TECTA: variants seen among roughly 807,000 people sequenced by gnomAD.
TECTA encodes alpha-tectorin.
A neutral mutation model predicts 216.8 loss-of-function variants in TECTA; 128 were observed. That is an observed-to-expected ratio of 0.59 (90% CI 0.51 to 0.68). The LOEUF is 0.68. TECTA is among the 30% of genes least tolerant of loss of function. The pLI, the probability that TECTA is intolerant of heterozygous loss-of-function variation, is 0.00. For synonymous variants in TECTA, 1,089 were observed against 1,117.1 expected (o/e 0.97, Z 0.50); for missense variants, 2,551 against 2,786.2 (o/e 0.92, Z 1.90).
rs1946634852 is a variant in TECTA, at chr11:121,128,224, C to T, written c.2247C>T (p.Tyr749=). 1 of 1,602,778 alleles carries T rather than the reference C, an allele frequency of 6.2e-7. No individual in the cohort carries two copies. The highest frequency in any genetic ancestry group is 8.5e-7 in the Non-Finnish European group (1 of 1,179,958). Residue 749 remains tyrosine (Y), a synonymous_variant, in exon 9 of 24, where the codon TAC becomes TAT. Transcript: ENST00000392793. ...AGACCTGCCCTGAGCGCCCAGAGTA[C>T]TTGGAAATCGACATCAACAAGAAGA... ...LLKTCPERPE[Y]LEIDINKKKP...
At chr11:121,125,995 T>C (rs1441051863) in intron 8 of TECTA, 123 bp downstream of exon 8, 2 of 1,161,590 alleles carry the variant, frequency 1.7e-6, no homozygotes, top group African/African-American at 3.0e-5. Flanking sequence ...GAGGTTGAAA[T>C]TGCACAAATT....
At position 121,190,795 on chromosome 11, in the gene TECTA, A is replaced by G; in HGVS notation, c.6457A>G (p.Thr2153Ala). Residue 2153 changes from threonine to alanine, a missense_variant, in exon 24 of 24, where the codon ACG becomes GCG. Physicochemically the swap from Thr to Ala is moderately conservative, Grantham distance 58. Around this residue, in one of 3 missense-constraint regions of TECTA, gnomAD observed 118 missense variants for 116.4 expected, o/e 1.01. Transcript: ENST00000392793. ...SLWHFVYKSG[T>A]TS ...ATGGCATTTTGTCTATAAATCAGGCACGACCTCATAATTAACTCAAGGTTG... is the reference window on the plus strand; with the variant it reads ...ATGGCATTTTGTCTATAAATCAGGCGCGACCTCATAATTAACTCAAGGTTG... 2 of 1,611,672 alleles carry G rather than the reference A, an allele frequency of 1.2e-6. No homozygotes were observed. The highest frequency in any genetic ancestry group is 1.1e-5 in the South Asian group (1 of 90,958).
intron 16 of TECTA, among the ~76,000 whole-genome samples, chr11:121,162,679 T>A (rs147946912): frequency 6.1e-4 from 93 of 152,308 alleles, no homozygotes; most frequent in Admixed American, 1.7e-3. Flanking sequence ...AGTGTGGGAT[T>A]CCTGATGGAT....
At chr11:121,129,579 A>G (rs1946649855) in intron 9 of TECTA, 59 bp from the exon 10 acceptor site, 1 of 1,566,952 alleles carries the variant, frequency 6.4e-7, no homozygotes, top group African/African-American at 1.3e-5. Context: ...CCCACAGCCT[A>G]GGAAATGGAA....
chr11:121,103,451 A>G (rs1315265183), intron 2 of TECTA, among the ~76,000 whole-genome samples: 2 of 152,178 alleles, frequency 1.3e-5, no homozygotes, highest in Non-Finnish European at 2.9e-5. Context: ...GCCCCTGTGC[A>G]GTGCTAATAT....
At chr11:121,146,139 C>T in intron 12 of TECTA, 23 bp downstream of exon 12, 1 of 1,600,832 alleles carries the variant, frequency 6.2e-7, no homozygotes, top group Non-Finnish European at 8.5e-7. Context: ...CGTTGTCCCT[C>T]CTTGTAGCTT....
At position 121,129,612 on chromosome 11, in the gene TECTA, TTGATAAGAATGA is replaced by T. The variant is rs1318294855; in HGVS notation, c.2368-25_2368-14del. On this transcript the variant is annotated splice_polypyrimidine_tract_variant and intron_variant, in intron 9 of 23. Coordinates refer to ENST00000392793, the MANE Select transcript of TECTA (RefSeq NM_005422.4). Reference sequence around the variant, plus strand: ...GAAAGTGCTCTGTGTGTCTCTGGAATTGATAAGAATGACTTGATTTTTCAGTTGAATGGTCAG... The same window carrying T: ...GAAAGTGCTCTGTGTGTCTCTGGAATCTTGATTTTTCAGTTGAATGGTCAG... 1 of 1,610,868 alleles carries T rather than the reference TTGATAAGAATGA, an allele frequency of 6.2e-7. No homozygotes were observed. The highest frequency in any genetic ancestry group is 8.5e-7 in the Non-Finnish European group (1 of 1,177,134).
chr11:121,125,101 G>A (rs1049452069), intron 7 of TECTA, among the ~76,000 whole-genome samples: 26 of 152,228 alleles, frequency 1.7e-4, no homozygotes, highest in Non-Finnish European at 2.8e-4. Flanking sequence ...TACACAGTGC[G>A]TGGGCTGGCC....
chr11:121,134,240 G>T (rs1946702681), intron 10 of TECTA, among the ~76,000 whole-genome samples: 1 of 152,028 alleles, frequency 6.6e-6, no homozygotes, highest in Non-Finnish European at 1.5e-5. Flanking sequence ...TAGAAACCAA[G>T]ATGTAAGGGA....
intron 12 of TECTA, among the ~76,000 whole-genome samples, chr11:121,150,643 A>ATTTTTTTTTTTTTTTTTTTTTTTTTTTTT (rs202043512): frequency 7.8e-6 from 1 of 127,952 alleles, no homozygotes; most frequent in Non-Finnish European, 1.6e-5. Flanking sequence ...GCCTATTTTA[A>ATTTTTTTTTTTTTTTTTTTTTTTTTTTTT]TTTTTTTTTT....
At chr11:121,161,986 G>T in intron 15 of TECTA, 89 bp from the exon 16 acceptor site, 1 of 1,563,808 alleles carries the variant, frequency 6.4e-7, no homozygotes. Context: ...CAATGCACTA[G>T]CTTCAGGGGT....
intron 11 of TECTA, among the ~76,000 whole-genome samples, chr11:121,142,258 A>G (rs1368912188): frequency 2.6e-5 from 4 of 152,076 alleles, no homozygotes; most frequent in Non-Finnish European, 5.9e-5. Context: ...CTCCTCCCAT[A>G]CCTTCTCATC....
Position 121,158,172 on chromosome 11 carries a change from A to G in TECTA, c.4637A>G (p.Tyr1546Cys). 6.2e-7 allele frequency: 1 copy of G among 1,614,078 alleles called. No homozygotes were observed. The highest frequency in any genetic ancestry group is 8.5e-7 in the Non-Finnish European group (1 of 1,180,034). The change falls in exon 14 of 24, where the codon TAC becomes TGC. Residue 1546 changes from tyrosine (Y) to cysteine (C), a missense_variant. Coordinates refer to ENST00000392793, the MANE Select transcript of TECTA (RefSeq NM_005422.4). ...APNLTIISPV[Y>C]FYINEEQILI... ...AACCTCACCATCATTTCGCCCGTCT[A>G]CTTCTACATTAACGAAGAGCAGATT...
intron 20 of TECTA, among the ~76,000 whole-genome samples, chr11:121,183,762 A>G (rs995969848): frequency 6.6e-6 from 1 of 152,102 alleles, no homozygotes; most frequent in African/African-American, 2.4e-5. Flanking sequence ...GATCTAGCAT[A>G]TTGTTGAAGC....
chr11:121,166,757 G>A lies in TECTA; in HGVS notation c.5563G>A (p.Gly1855Arg). The change falls in exon 18 of 24, where the codon GGG becomes AGG. Residue 1855 changes from glycine to arginine, a missense_variant. By Grantham distance (125) the Gly-to-Arg change is moderately radical. Around this residue, in one of 3 missense-constraint regions of TECTA, gnomAD observed 2,375 missense variants for 2,563.9 expected, o/e 0.93. Coordinates refer to ENST00000392793, the MANE Select transcript of TECTA (RefSeq NM_005422.4). ...CTCCTTTCAGATCAACAACACCAAA[G>A]GGAATTGTGGAAACATTGTGCAGGT... ...FISFQINNTK[G>R]NCGNIVQSNG... is the part of the protein sequence containing the mutation. 1.9e-6 allele frequency: 3 copies of A among 1,614,106 alleles called. No homozygotes were observed. Among genetic ancestry groups the A allele is most frequent in the Non-Finnish European group, 2.5e-6 (3 of 1,180,030 alleles).
Position 121,160,218 on chromosome 11 carries a change from C to T in TECTA, c.4773C>T (p.Asp1591=). ...GCAGTGAGGGGTTTCTGGTGATTGA[C>T]ACCAGCCCAGACATCCAGATATACT... is the stretch of plus-strand genomic sequence containing the variant. The part of the protein sequence containing the change: ...IYSSEGFLVI[D]TSPDIQIYYN... Residue 1591 remains aspartate, a synonymous_variant, in exon 15 of 24, where the codon GAC becomes GAT. Coordinates refer to ENST00000392793, the MANE Select transcript of TECTA (RefSeq NM_005422.4). 1 of 1,614,202 alleles carries T rather than the reference C, an allele frequency of 6.2e-7. No homozygotes were observed. Among genetic ancestry groups the T allele is most frequent in the African/African-American group, 1.3e-5 (1 of 75,066 alleles).
At chr11:121,135,115 G>A (rs680511) in intron 10 of TECTA, among the ~76,000 whole-genome samples, 103,993 of 152,072 alleles carry the variant, frequency 0.68, 37,042 homozygotes, top group African/African-American at 0.9. Context: ...CACTTGATTC[G>A]TCAGGCCGCC....
In TECTA at chr11:121,129,668, T is replaced by A. The variant is rs1247039679; in HGVS notation, c.2398T>A (p.Phe800Ile). Reference sequence around the variant, plus strand: ...TGGTCAGGAAGTGGAATTGCCTTTTTTCCATCCTTCGGGGAAGCTGGAAAT... The same window carrying A: ...TGGTCAGGAAGTGGAATTGCCTTTTATCCATCCTTCGGGGAAGCTGGAAAT... The part of the protein sequence containing the change: ...LNGQEVELPF[F>I]HPSGKLEIYR... Residue 800 changes from phenylalanine to isoleucine, a missense_variant, in exon 10 of 24, where the codon TTC (phenylalanine) becomes ATC (isoleucine). Around this residue, in one of 3 missense-constraint regions of TECTA, gnomAD observed 2,375 missense variants for 2,563.9 expected, o/e 0.93. Coordinates refer to ENST00000392793, the MANE Select transcript of TECTA (RefSeq NM_005422.4). The A allele has an allele frequency of 1.1e-5, 18 of 1,614,100 alleles. No individual in the cohort carries two copies. Among genetic ancestry groups the A allele is most frequent in the Non-Finnish European group, 1.4e-5 (17 of 1,180,042 alleles).
At chr11:121,171,611 A>G (rs530367362) in intron 20 of TECTA, among the ~76,000 whole-genome samples, 1 of 151,862 alleles carries the variant, frequency 6.6e-6, no homozygotes, top group African/African-American at 2.4e-5. Flanking sequence ...GCGTTTTGTA[A>G]TTTTCCTTGT....
Sources: gnomAD v4.1 joint callset for allele counts (sites outside exome capture counted in the v4.1 genomes callset) on GRCh38, gnomAD v4.1.1 for gene constraint, gnomAD v4.1.1 regional missense constraint, MANE v1.5 for transcripts, NCBI Gene and HGNC (gene_info 2026-07-23, HGNC 2026-07-21) for gene names.